Variants in ABI1 observed in about 807,000 individuals in gnomAD.
ABI1 encodes the protein Abelson interactor 1.
ABI1 carries 14 observed loss-of-function variants against 54.6 expected under a neutral mutation model. That is an observed-to-expected ratio of 0.26 (90% CI 0.17 to 0.40). ABI1 has a LOEUF of 0.40. Among genes scored for constraint, ABI1 ranks in the 10% least tolerant of loss-of-function variants. The pLI is 1.00. For missense variants in ABI1, 443 were observed against 598.3 expected, an observed-to-expected ratio of 0.74 and a Z score of 2.71; for synonymous variants, 194 against 209.3, an observed-to-expected ratio of 0.93 and a Z score of 0.63.
intron 6 of ABI1, among the ~76,000 whole-genome samples, chr10:26,765,942 C>T (rs924787765): frequency 1.3e-5 from 2 of 152,000 alleles, no homozygotes; most frequent in African/African-American, 4.8e-5. Flanking sequence ...TCAAAACCTG[C>T]TATGAAGAGC....
intron 1 of ABI1, among the ~76,000 whole-genome samples, chr10:26,845,590 C>T (rs191630106): frequency 6.6e-6 from 1 of 152,222 alleles, no homozygotes; most frequent in Admixed American, 6.5e-5. Context: ...TTGCAGTGAA[C>T]CAAGATCGTG....
chr10:26,763,222 T>G (rs1000720494), intron 7 of ABI1, among the ~76,000 whole-genome samples: 12 of 152,208 alleles, frequency 7.9e-5, no homozygotes, highest in African/African-American at 2.9e-4. Context: ...TCAGCTCTCA[T>G]TATTTGAAAC....
chr10:26,852,565 GATATA>G (rs1373623763), intron 1 of ABI1, among the ~76,000 whole-genome samples: 1 of 152,120 alleles, frequency 6.6e-6, no homozygotes, highest in Non-Finnish European at 1.5e-5. Flanking sequence ...TTTTCTATAT[GATATA>G]ATATATACAT....
chr10:26,857,320 CAAAAAAAAAAAAAAAAAAAA>C (rs71403897), intron 1 of ABI1, among the ~76,000 whole-genome samples: 36,883 of 78,480 alleles, frequency 0.47, 6,127 homozygotes, highest in South Asian at 0.63. Context: ...GACTCCATCT[CAAAAAAAAAAAAAAAAAAAA>C]AAAAAAAAAA....
chr10:26,765,033 G>A (rs1424321211), intron 7 of ABI1, among the ~76,000 whole-genome samples, 185 bp downstream of exon 7: 1 of 141,088 alleles, frequency 7.1e-6, no homozygotes, highest in Non-Finnish European at 1.5e-5. Context: ...AACAGCTGGT[G>A]AAATCCTAAA....
chr10:26,842,204 T>A (rs2049571084), intron 1 of ABI1, among the ~76,000 whole-genome samples: 1 of 152,258 alleles, frequency 6.6e-6, no homozygotes, highest in South Asian at 2.1e-4. Flanking sequence ...CCTTTTCATA[T>A]ACCTGTCAGC....
chr10:26,803,499 C>T (rs1004770568), intron 2 of ABI1, among the ~76,000 whole-genome samples: 1 of 152,162 alleles, frequency 6.6e-6, no homozygotes, highest in African/African-American at 2.4e-5. Flanking sequence ...GAGAACAATG[C>T]AAACACCAGT....
chr10:26,828,523 T>C (rs766129068), intron 1 of ABI1, among the ~76,000 whole-genome samples: 1 of 151,866 alleles, frequency 6.6e-6, no homozygotes, highest in Non-Finnish European at 1.5e-5. Context: ...CTGTAAATAA[T>C]TCACACAATT....
At chr10:26,752,692 A>AT (rs1470265254) in intron 9 of ABI1, among the ~76,000 whole-genome samples, 1 of 152,138 alleles carries the variant, frequency 6.6e-6, no homozygotes, top group African/African-American at 2.4e-5. Flanking sequence ...TGGTCAGTAT[A>AT]TATGTGTGTG....
At chr10:26,857,848 C>CAAAAAAA (rs1168285053) in intron 1 of ABI1, among the ~76,000 whole-genome samples, 1 of 100,200 alleles carries the variant, frequency 1.0e-5, no homozygotes, top group Non-Finnish European at 2.0e-5. Context: ...AAGTCTGTCT[C>CAAAAAAA]AAAAAAAAAA....
intron 2 of ABI1, among the ~76,000 whole-genome samples, chr10:26,807,917 C>T (rs866245089): frequency 6.6e-6 from 1 of 152,068 alleles, no homozygotes; most frequent in Non-Finnish European, 1.5e-5. Context: ...AATGGTGAAA[C>T]CCCGCCTCTA....
At chr10:26,770,771 T>C (rs553634020) in intron 4 of ABI1, among the ~76,000 whole-genome samples, 1 of 152,286 alleles carries the variant, frequency 6.6e-6, no homozygotes, top group Non-Finnish European at 1.5e-5. Flanking sequence ...ACATATGATG[T>C]CTGGGAAACC....
At chr10:26,773,841 C>A (rs1206309421) in intron 3 of ABI1, among the ~76,000 whole-genome samples, 1 of 152,194 alleles carries the variant, frequency 6.6e-6, no homozygotes, top group South Asian at 2.1e-4. Context: ...TGCTTCATGT[C>A]TCCTGTGGTC....
chr10:26,817,350 G>A, intron 2 of ABI1, among the ~76,000 whole-genome samples: 1 of 152,044 alleles, frequency 6.6e-6, no homozygotes, highest in East Asian at 1.9e-4. Flanking sequence ...CAGACATTGT[G>A]CAAGTCCTCA....
chr10:26,758,616 C>T (rs1395496914), intron 8 of ABI1, among the ~76,000 whole-genome samples: 1 of 152,070 alleles, frequency 6.6e-6, no homozygotes, highest in Non-Finnish European at 1.5e-5. Context: ...TTTCTGAACA[C>T]GTTAATGACC....
At chr10:26,759,425 A>AG (rs1838810630) in intron 7 of ABI1, among the ~76,000 whole-genome samples, 187 bp from the exon 8 acceptor site, 1 of 152,134 alleles carries the variant, frequency 6.6e-6, no homozygotes, top group Admixed American at 6.5e-5. Context: ...AAAAACAGAG[A>AG]GAAAAAAAAA....
rs748569144 is a variant in ABI1 at position 26,765,257 on chromosome 10, T to C, written c.781A>G (p.Ile261Val). The change falls in exon 7 of 11, where the codon ATT becomes GTT. Residue 261 changes from isoleucine to valine, a missense_variant. Coordinates refer to ENST00000376140, the MANE Select transcript of ABI1 (RefSeq NM_001012750.3). Reference sequence around the variant, plus strand: ...GGTGGCGAAGGTGTAGGCACAGCAATGGGAATGCCAATACTACTGCTACCA... The same window carrying C: ...GGTGGCGAAGGTGTAGGCACAGCAACGGGAATGCCAATACTACTGCTACCA... ...NSGSSSIGIP[I>V]AVPTPSPPTI... The C allele has an allele frequency of 5.0e-6, 8 of 1,605,136 alleles. No individual in the cohort carries two copies. The African/African-American group carries it at 8.1e-5, about 16-fold the overall frequency.
At chr10:26,815,217 G>A (rs900945419) in intron 2 of ABI1, among the ~76,000 whole-genome samples, 11 of 151,918 alleles carry the variant, frequency 7.2e-5, no homozygotes, top group African/African-American at 2.4e-4. Context: ...CCAAAAGCCT[G>A]TTTTTATGTA....
intron 2 of ABI1, among the ~76,000 whole-genome samples, chr10:26,808,546 A>T (rs539102688): frequency 6.6e-6 from 1 of 151,986 alleles, no homozygotes; most frequent in East Asian, 1.9e-4. Context: ...ACATGGTGAG[A>T]CCCCATTTCT....
Sources: gnomAD v4.1 joint callset for allele counts (sites outside exome capture counted in the v4.1 genomes callset) on GRCh38, gnomAD v4.1.1 for gene constraint, MANE v1.5 for transcripts, NCBI Gene and HGNC (gene_info 2026-07-23, HGNC 2026-07-21) for gene names.